Variants in SYNE1 observed in about 807,000 individuals in gnomAD.
SYNE1 encodes spectrin repeat containing nuclear envelope protein 1, also known as nesprin-1.
Under a neutral mutation model 1,111.0 loss-of-function variants are expected in SYNE1, and 616 were observed. That is an observed-to-expected ratio of 0.55 (90% confidence interval 0.52 to 0.59). The LOEUF is 0.59. Among genes scored for constraint, SYNE1 ranks in the 20% least tolerant of loss-of-function variants. The pLI is 0.00. For missense variants in SYNE1, 10,006 were observed against 10,417.0 expected (o/e 0.96, Z 1.72); for synonymous variants, 3,855 against 3,825.8 (o/e 1.01, Z -0.28).
chr6:152,394,526 C>G (rs780814483), intron 51 of SYNE1, among the ~76,000 whole-genome samples: 1 of 151,830 alleles, frequency 6.6e-6, no homozygotes, highest in Admixed American at 6.6e-5. Flanking sequence ...AATTTGGGAG[C>G]AAAGCCCTCA....
intron 3 of SYNE1, among the ~76,000 whole-genome samples, chr6:152,550,697 T>C (rs537263866): frequency 1.3e-5 from 2 of 152,192 alleles, no homozygotes; most frequent in East Asian, 1.9e-4. Flanking sequence ...TAGTCTTTCA[T>C]TATTCCACTT....
At chr6:152,329,526 C>CA (rs1226398791) in intron 78 of SYNE1, among the ~76,000 whole-genome samples, 2 of 152,012 alleles carry the variant, frequency 1.3e-5, no homozygotes, top group Admixed American at 1.3e-4. Context: ...GACTTCGTCT[C>CA]AAAAAAACCC....
chr6:152,520,655 C>G (rs1488235661), intron 5 of SYNE1, 113 bp from the exon 6 acceptor site: 1 of 1,190,400 alleles, frequency 8.4e-7, no homozygotes, highest in African/African-American at 1.5e-5. Context: ...TCAAAAGCAA[C>G]CAACATTGTT....
chr6:152,422,661 C>G (rs1324469486), intron 39 of SYNE1, among the ~76,000 whole-genome samples: 1 of 152,090 alleles, frequency 6.6e-6, no homozygotes, highest in East Asian at 1.9e-4. Context: ...TGCCACCATG[C>G]CTGGATACTT....
intron 122 of SYNE1, among the ~76,000 whole-genome samples, chr6:152,214,193 CA>C (rs200066196): frequency 0.027 from 1,617 of 59,872 alleles, 19 homozygotes; most frequent in African/African-American, 0.079. Flanking sequence ...AACTCCGTCT[CA>C]AAAAAAAAAA....
intron 43 of SYNE1, 44 bp downstream of exon 43, chr6:152,409,515 T>A (rs766688878): frequency 1.2e-6 from 2 of 1,608,130 alleles, no homozygotes; most frequent in South Asian, 1.1e-5. Context: ...AAAAACCAGA[T>A]CTACTAAAGC....
At position 152,470,554 on chromosome 6, in the gene SYNE1, AT is replaced by A. The variant is rs2098800096; in HGVS notation, c.1632+1042del. ...ACAATTTTAGTAAATCTAGGGAAAG[AT>A]TTTACTGTAAAGCAGTTAAATCATT... On this transcript the variant is annotated intron_variant, in intron 16 of 145. Coordinates refer to ENST00000367255, the MANE Select transcript of SYNE1 (RefSeq NM_182961.4). Among the ~76,000 whole-genome samples, 3 of 152,202 alleles carry A rather than the reference AT, an allele frequency of 2.0e-5. No homozygotes were observed. The South Asian group carries it at 6.2e-4, about 32-fold the overall frequency.
chr6:152,447,458 C>T lies in SYNE1; in HGVS notation c.3669G>A (p.Glu1223=), dbSNP rs2098602705. 6.2e-7 allele frequency: 1 copy of T among 1,614,106 alleles called. No individual in the cohort carries two copies. Among genetic ancestry groups the T allele is most frequent in the Admixed American group, 1.7e-5 (1 of 60,014 alleles). ...SFKALVTLLS[E]VEKMLSNFGD... is the part of the protein sequence containing the mutation. ...TTTAGAGTGTGAGTAAATGCTGTAC[C>T]TCTGACAGCAGCGTCACAAGAGCCT... Residue 1223 remains glutamate, a splice_region_variant and synonymous_variant, in exon 29 of 146, where the codon GAG becomes GAA. Coordinates refer to ENST00000367255, the MANE Select transcript of SYNE1 (RefSeq NM_182961.4).
chr6:152,373,184 C>T lies in SYNE1; in HGVS notation c.9360G>A (p.Lys3120=). 6.2e-7 allele frequency: 1 copy of T among 1,613,584 alleles called. No homozygotes were observed. The highest frequency in any genetic ancestry group is 8.5e-7 in the Non-Finnish European group (1 of 1,179,980). ...FLSESENGQH[K]LNMMLSKGEL... Reference sequence around the variant, plus strand: ...CCCCTTTAGACAGCATCATGTTTAGCTTGTGCTGTCCATTTTCACTTTCTG... The same window carrying T: ...CCCCTTTAGACAGCATCATGTTTAGTTTGTGCTGTCCATTTTCACTTTCTG... Residue 3120 remains lysine (K), a synonymous_variant, in exon 59 of 146, where the codon AAG becomes AAA. Coordinates refer to ENST00000367255, the MANE Select transcript of SYNE1 (RefSeq NM_182961.4).
chr6:152,346,514 C>T (rs553814118), intron 73 of SYNE1, among the ~76,000 whole-genome samples: 83 of 152,122 alleles, frequency 5.5e-4, no homozygotes, highest in African/African-American at 6.7e-4. Flanking sequence ...ATGGAATAAA[C>T]AAATTGGATA....
Position 152,143,706 on chromosome 6 carries a change from G to T in SYNE1, c.25036C>A (p.Arg8346Ser), listed in dbSNP as rs543351996. 3 of 1,614,050 alleles carry T rather than the reference G, an allele frequency of 1.9e-6. No homozygotes were observed. The highest frequency in any genetic ancestry group is 2.7e-5 in the African/African-American group (2 of 74,906). Residue 8346 changes from arginine (R) to serine (S), a missense_variant, in exon 138 of 146, where the codon CGT becomes AGT. Arg to Ser is a moderately radical substitution (Grantham distance 110). Around this residue, in one of 7 missense-constraint regions of SYNE1, gnomAD observed 761 missense variants for 795.5 expected, o/e 0.96. Coordinates refer to ENST00000367255, the MANE Select transcript of SYNE1 (RefSeq NM_182961.4). ...TTTTCGGTTTGCTGTATCTGAAAAC[G>T]GCTATCATCCAGGGCTTTGCCCAGT... ...RQLGKALDDS[R>S]FQIQQTENII...
chr6:152,523,571 T>C (rs2099150533), intron 5 of SYNE1, among the ~76,000 whole-genome samples: 1 of 152,178 alleles, frequency 6.6e-6, no homozygotes, highest in Non-Finnish European at 1.5e-5. Flanking sequence ...TAGAATTGTT[T>C]TTTCTAATTC....
chr6:152,474,153 C>T (rs928088399), intron 14 of SYNE1, among the ~76,000 whole-genome samples: 3 of 150,710 alleles, frequency 2.0e-5, no homozygotes, highest in Non-Finnish European at 2.9e-5. Flanking sequence ...CCATTGCACT[C>T]CAGCCTGGGC....
chr6:152,573,306 A>G (rs552795044), intron 3 of SYNE1, among the ~76,000 whole-genome samples: 17 of 147,534 alleles, frequency 1.2e-4, no homozygotes, highest in African/African-American at 3.3e-4. Context: ...AGCATTAGGT[A>G]TATCTCCTAA....
Position 152,135,225 on chromosome 6 carries a change from T to C in SYNE1, c.25667A>G (p.His8556Arg), listed in dbSNP as rs1449253317. 19 of 1,613,976 alleles carry C rather than the reference T, an allele frequency of 1.2e-5. No homozygotes were observed. Among genetic ancestry groups the C allele is most frequent in the Non-Finnish European group, 1.6e-5 (19 of 1,180,000 alleles). Residue 8556 changes from histidine to arginine, a missense_variant, in exon 142 of 146, where the codon CAT (histidine) becomes CGT (arginine). By Grantham distance (29) the His-to-Arg change is conservative. Around this residue, in one of 7 missense-constraint regions of SYNE1, gnomAD observed 761 missense variants for 795.5 expected, o/e 0.96. Coordinates refer to ENST00000367255, the MANE Select transcript of SYNE1 (RefSeq NM_182961.4). Reference protein sequence around the residue: ...QDALMQCQGFHEMSHGLLLML... With the variant: ...QDALMQCQGFREMSHGLLLML... ...AAGAAGCAAACCATGGCTCATTTCA[T>C]GGAAACCCTACAGAAAACAGTTTAA...
chr6:152,196,184 C>T (rs1182322671), intron 127 of SYNE1, among the ~76,000 whole-genome samples: 1 of 152,142 alleles, frequency 6.6e-6, no homozygotes, highest in Non-Finnish European at 1.5e-5. Flanking sequence ...AGTGGGCTCC[C>T]CTCTGGCCCA....
At chr6:152,513,196 A>C (rs1157145374) in intron 6 of SYNE1, among the ~76,000 whole-genome samples, 3 of 152,216 alleles carry the variant, frequency 2.0e-5, no homozygotes, top group Non-Finnish European at 4.4e-5. Flanking sequence ...TCTGAGTTAT[A>C]AGACAGAGGC....
intron 106 of SYNE1, among the ~76,000 whole-genome samples, chr6:152,243,777 G>A (rs2086380092): frequency 6.6e-6 from 1 of 152,238 alleles, no homozygotes; most frequent in African/African-American, 2.4e-5. Context: ...TGCACACAGA[G>A]AAAATCTAAC....
chr6:152,489,986 C>A (rs892788286), intron 11 of SYNE1, among the ~76,000 whole-genome samples: 3 of 152,108 alleles, frequency 2.0e-5, no homozygotes, highest in African/African-American at 7.2e-5. Context: ...CCTGTGACAA[C>A]CTCAGCGCTA....
Sources: gnomAD v4.1 joint callset for allele counts (sites outside exome capture counted in the v4.1 genomes callset) on GRCh38, gnomAD v4.1.1 for gene constraint, gnomAD v4.1.1 regional missense constraint, MANE v1.5 for transcripts, NCBI Gene and HGNC (gene_info 2026-07-23, HGNC 2026-07-21) for gene names.